The following RPGRIP1L variants were observed in gnomAD, a reference collection of about 807,000 sequenced individuals.
The protein encoded by RPGRIP1L is protein fantom.
In RPGRIP1L, 131 loss-of-function variants were observed where a neutral mutation model predicts 160.4. The ratio of observed to expected loss-of-function variants is 0.82; its 90% CI spans 0.71 to 0.94. The LOEUF (loss-of-function observed/expected upper bound fraction) is 0.94. RPGRIP1L is among the 40% of genes least tolerant of loss of function. RPGRIP1L has a pLI of 0.00. For missense variants in RPGRIP1L, 1,522 were observed against 1,535.8 expected (o/e 0.99, Z 0.15); for synonymous variants, 510 against 515.8 (o/e 0.99, Z 0.15).
chr16:53,693,488 ACT>A (rs926316672), intron 3 of RPGRIP1L: 2 of 152,158 alleles, frequency 1.3e-5, no homozygotes, highest in African/African-American at 4.8e-5. Flanking sequence ...GTCTATCCAC[ACT>A]CTGGCTACTC....
chr16:53,611,699 C>G (rs568682902), intron 24 of RPGRIP1L, among the ~76,000 whole-genome samples: 40 of 152,308 alleles, frequency 2.6e-4, no homozygotes, highest in African/African-American at 9.6e-4. Flanking sequence ...GACCTCAAGT[C>G]TCAACAGAAA....
At chr16:53,680,664 G>A (rs1969536105) in intron 6 of RPGRIP1L, among the ~76,000 whole-genome samples, 1 of 152,176 alleles carries the variant, frequency 6.6e-6, no homozygotes, top group Non-Finnish European at 1.5e-5. Flanking sequence ...TCATTGTTAA[G>A]TGTTCTGAAT....
chr16:53,688,048 T>C, intron 4 of RPGRIP1L, 83 bp from the exon 5 acceptor site: 1 of 852,212 alleles, frequency 1.2e-6, no homozygotes, highest in East Asian at 2.6e-5. Flanking sequence ...AGGATATTTA[T>C]AATAAAATCT....
At chr16:53,693,347 G>C (rs1180873093) in intron 3 of RPGRIP1L, 2 of 152,162 alleles carry the variant, frequency 1.3e-5, no homozygotes, top group Non-Finnish European at 2.9e-5. Context: ...ATTTTAGCGT[G>C]GTTATGGACA....
rs1291099401 is a variant in RPGRIP1L, at chr16:53,692,330, T to C, written c.265A>G (p.Lys89Glu). 6 of 1,614,146 alleles carry C rather than the reference T, an allele frequency of 3.7e-6. No individual in the cohort carries two copies. The highest frequency in any genetic ancestry group is 5.1e-6 in the Non-Finnish European group (6 of 1,180,004). Residue 89 changes from lysine to glutamate, a missense_variant, in exon 4 of 27, where the codon AAG becomes GAG. Transcript: ENST00000647211. Reference sequence around the variant, plus strand: ...CCACCAACCCGCTCATATCTTTTCTTGTCATTAACTAGCCGTATTAACTTG... The same window carrying C: ...CCACCAACCCGCTCATATCTTTTCTCGTCATTAACTAGCCGTATTAACTTG... ...ATKLIRLVNDKKRYERVGGGP... is the reference protein window; with the variant it reads ...ATKLIRLVNDEKRYERVGGGP...
At chr16:53,625,025 C>T (rs1964997005) in intron 22 of RPGRIP1L, among the ~76,000 whole-genome samples, 1 of 152,180 alleles carries the variant, frequency 6.6e-6, no homozygotes, top group Non-Finnish European at 1.5e-5. Context: ...CTTGGCCTCC[C>T]CAGGTGCCGG....
chr16:53,693,869 G>C (rs1292349247), intron 3 of RPGRIP1L: 1 of 152,184 alleles, frequency 6.6e-6, no homozygotes, highest in Non-Finnish European at 1.5e-5. Context: ...CTGTTACAGA[G>C]AGACTTTCAC....
chr16:53,623,335 T>A (rs1964864336), intron 22 of RPGRIP1L, among the ~76,000 whole-genome samples: 1 of 152,306 alleles, frequency 6.6e-6, no homozygotes, highest in South Asian at 2.1e-4. Flanking sequence ...AGATTGCTCA[T>A]TGCGTTATGT....
At chr16:53,695,203 C>T in intron 3 of RPGRIP1L, 2 of 614,746 alleles carry the variant, frequency 3.3e-6, no homozygotes, top group Non-Finnish European at 5.8e-6. Context: ...TAGCAGACTA[C>T]ATGCCTCATT....
chr16:53,610,911 G>T, intron 25 of RPGRIP1L, 56 bp downstream of exon 25: 1 of 1,345,592 alleles, frequency 7.4e-7, no homozygotes, highest in Non-Finnish European at 1.1e-6. Flanking sequence ...ACCATGTCCT[G>T]CTACAGAGAT....
intron 24 of RPGRIP1L, among the ~76,000 whole-genome samples, chr16:53,617,438 G>T (rs1358693091): frequency 6.6e-6 from 1 of 151,928 alleles, no homozygotes; most frequent in Non-Finnish European, 1.5e-5. Context: ...TTCTTTTCTG[G>T]TACTCTGCAA....
chr16:53,686,020 A>G (rs1233368320), intron 6 of RPGRIP1L, among the ~76,000 whole-genome samples: 4 of 152,228 alleles, frequency 2.6e-5, no homozygotes, highest in Non-Finnish European at 1.5e-5. Context: ...ACAAACTGGT[A>G]CCATATTATG....
At chr16:53,652,470 G>C in intron 15 of RPGRIP1L, 65 bp downstream of exon 15, 3 of 1,222,650 alleles carry the variant, frequency 2.5e-6, no homozygotes, top group African/African-American at 3.0e-5. Context: ...GTAATGTAGA[G>C]TACCATAACG....
intron 25 of RPGRIP1L, among the ~76,000 whole-genome samples, 158 bp from the exon 26 acceptor site, chr16:53,605,772 T>A (rs1472005419): frequency 6.6e-6 from 1 of 152,232 alleles, no homozygotes; most frequent in Non-Finnish European, 1.5e-5. Context: ...AGTTATTATA[T>A]GAACTATTAG....
chr16:53,694,694 T>C (rs1267953762), intron 3 of RPGRIP1L: 1 of 152,052 alleles, frequency 6.6e-6, no homozygotes, highest in East Asian at 2.0e-4. Context: ...GTATTTTTAG[T>C]AGAAATGGGG....
In RPGRIP1L at chr16:53,638,320, T is replaced by A. The variant is rs764044965; in HGVS notation, c.3050A>T (p.His1017Leu). The change falls in exon 20 of 27, where the codon CAT becomes CTT. Residue 1017 changes from histidine (H) to leucine (L), a missense_variant. Coordinates refer to ENST00000647211, the MANE Select transcript of RPGRIP1L (RefSeq NM_015272.5). ...EIEINMLTVP[H>L]VPKVSQEGSV... Reference sequence around the variant, plus strand: ...AACACAAATGCATACCTTGGGAACATGTGGAACAGTCAGCATATTAATTTC... The same window carrying A: ...AACACAAATGCATACCTTGGGAACAAGTGGAACAGTCAGCATATTAATTTC... 3.2e-6 allele frequency: 5 copies of A among 1,557,068 alleles called. No homozygotes were observed. In the South Asian group the frequency reaches 4.5e-5, roughly 14 times the overall value.
intron 23 of RPGRIP1L, among the ~76,000 whole-genome samples, chr16:53,619,843 A>C (rs565850058): frequency 6.6e-6 from 1 of 152,312 alleles, no homozygotes; most frequent in African/African-American, 2.4e-5. Context: ...TTACAAAATT[A>C]ACAACTAAAA....
intron 9 of RPGRIP1L, 69 bp from the exon 10 acceptor site, chr16:53,665,078 A>T: frequency 6.3e-7 from 1 of 1,583,334 alleles, no homozygotes; most frequent in Non-Finnish European, 8.6e-7. Context: ...TAAAGAGAAA[A>T]GCTTTTAGTG....
chr16:53,633,106 T>C (rs1965621416), intron 22 of RPGRIP1L, among the ~76,000 whole-genome samples: 3 of 152,222 alleles, frequency 2.0e-5, no homozygotes, highest in South Asian at 2.1e-4. Flanking sequence ...CATTCAGTAA[T>C]ACATTCCTTC....
Sources: allele counts gnomAD v4.1 joint callset (sites outside exome capture counted in the v4.1 genomes callset), GRCh38; gene constraint gnomAD v4.1.1; transcripts MANE v1.5; gene names NCBI Gene and HGNC (gene_info 2026-07-23, HGNC 2026-07-21).